The following NOL9 variants were observed in gnomAD, a reference collection of about 807,000 sequenced individuals.
NOL9 encodes nucleolar protein 9.
In NOL9, 28 loss-of-function variants were observed where a neutral mutation model predicts 67.9. That is an observed-to-expected ratio of 0.41 (90% confidence interval 0.31 to 0.57). The LOEUF (loss-of-function observed/expected upper bound fraction) is 0.57, where lower values mean the gene tolerates loss of function less well. Among genes scored for constraint, NOL9 ranks in the 20% least tolerant of loss-of-function variants. The pLI, the probability that NOL9 is intolerant of heterozygous loss-of-function variation, is 0.25. For synonymous variants in NOL9, 356 were observed against 352.2 expected (o/e 1.01, Z -0.12); for missense variants, 777 against 897.0 (o/e 0.87, Z 1.71).
chr1:6,542,109 G>A (rs1639305357), intron 5 of NOL9, among the ~76,000 whole-genome samples, 182 bp from the exon 6 acceptor site: 1 of 151,412 alleles, frequency 6.6e-6, no homozygotes, highest in African/African-American at 2.4e-5. Context: ...GAAACGCAGT[G>A]CAGGCATGGT....
intron 2 of NOL9, 74 bp downstream of exon 2, chr1:6,550,322 C>T (rs2063806): frequency 0.85 from 1,151,277 of 1,351,834 alleles, 492,792 homozygotes; most frequent in Admixed American, 0.9. Flanking sequence ...TGAGCCACCG[C>T]GCCTGGCCCT....
In NOL9 at chr1:6,548,135, GTTCTT is replaced by G. The variant is rs1390826390; in HGVS notation, c.744+1431_744+1435del. ...AGGGGTCCGTGCCATGAGACTTAAA[GTTCTT>G]TTTTTTTTTTTTTTTTTTTTTTTGA... On this transcript the variant is annotated intron_variant, in intron 3 of 11. Coordinates refer to ENST00000377705, the MANE Select transcript of NOL9 (RefSeq NM_024654.5). The G allele has an allele frequency of 6.4e-3, 860 of 134,660 alleles. 10 individuals carry two copies. The highest frequency in any genetic ancestry group is 0.024 in the African/African-American group (778 of 31,932). 8.3% of individuals were successfully genotyped at this position (134,660 alleles called of 1,614,324 possible).
In NOL9 at chr1:6,550,575, T is replaced by C. The variant is rs1322317279; in HGVS notation, c.437A>G (p.Tyr146Cys). ...AAAACCAAATACCTGCACCTGGCCA[T>C]AGAGGCAAGTCACACGACAGATCCC... ...FSGICRVTCL[Y>C]GQVQVFGFTI... The change falls in exon 2 of 12, where the codon TAT becomes TGT. Residue 146 changes from tyrosine (Y) to cysteine (C), a missense_variant. By Grantham distance (194) the Tyr-to-Cys change is radical. Transcript: ENST00000377705. The C allele has an allele frequency of 6.2e-6, 10 of 1,613,058 alleles. No homozygotes were observed. The highest frequency in any genetic ancestry group is 1.7e-5 in the Admixed American group (1 of 59,878).
intron 6 of NOL9, among the ~76,000 whole-genome samples, chr1:6,539,375 G>A (rs1420794087): frequency 2.0e-5 from 3 of 152,208 alleles, no homozygotes; most frequent in African/African-American, 2.4e-5. Flanking sequence ...GATTATTCAC[G>A]AAAGCCAAAA....
rs759808579 is a variant in NOL9, at chr1:6,554,151, G to A, written c.352C>T (p.Pro118Ser). 1 of 1,530,636 alleles carries A rather than the reference G, an allele frequency of 6.5e-7. No homozygotes were observed. The highest frequency in any genetic ancestry group is 1.2e-5 in the South Asian group (1 of 83,318). 94.8% of individuals were successfully genotyped at this position (1,530,636 alleles called of 1,614,324 possible). A position where few individuals can be genotyped will look rare whatever the true frequency, so the allele number is the denominator to read the frequency against. Reference protein sequence around the residue: ...HRPLLIPPVRPVGPGRALLLL... With the variant: ...HRPLLIPPVRSVGPGRALLLL... ...AGCAACGCGCGGCCGGGGCCCACGG[G>A]CCGCACCGGTGGGATGAGGAGAGGC... Residue 118 changes from proline to serine, a missense_variant, in exon 1 of 12, where the codon CCC becomes TCC. Pro to Ser is a moderately conservative substitution (Grantham distance 74). Transcript: ENST00000377705.
chr1:6,524,385 G>A lies in NOL9; in HGVS notation c.*1469C>T, dbSNP rs1335807853. 1 of 152,178 alleles carries A rather than the reference G, an allele frequency of 6.6e-6. No homozygotes were observed. Among genetic ancestry groups the A allele is most frequent in the Non-Finnish European group, 1.5e-5 (1 of 68,028 alleles). 9.4% of individuals were successfully genotyped at this position (152,178 alleles called of 1,614,324 possible). On this transcript the variant is annotated 3_prime_UTR_variant, in exon 12 of 12. Transcript: ENST00000377705. ...CCTCAGCCCCAGGAAGTATCCTGCT[G>A]TCTTAAATGCAGAAATGATGTGACC...
chr1:6,546,859 A>T (rs902923224), intron 3 of NOL9, among the ~76,000 whole-genome samples: 1 of 152,120 alleles, frequency 6.6e-6, no homozygotes, highest in African/African-American at 2.4e-5. Flanking sequence ...ACCAAAGCAA[A>T]ATACTTTACT....
At chr1:6,532,199 T>A in intron 8 of NOL9, 120 bp from the exon 9 acceptor site, 3 of 815,218 alleles carry the variant, frequency 3.7e-6, no homozygotes, top group Non-Finnish European at 6.0e-6. Context: ...CTGCCCCCCC[T>A]TGACGGACCC....
intron 1 of NOL9, among the ~76,000 whole-genome samples, chr1:6,553,196 T>C (rs1639579326): frequency 6.6e-6 from 1 of 152,238 alleles, no homozygotes; most frequent in South Asian, 2.1e-4. Context: ...TCTGTGCTCC[T>C]GGTTCAGACA....
At chr1:6,541,098 C>T (rs945340078) in intron 6 of NOL9, 7 of 149,450 alleles carry the variant, frequency 4.7e-5, no homozygotes, top group African/African-American at 1.7e-4. Flanking sequence ...CTCACTGCAA[C>T]CTCCACCCCT....
intron 6 of NOL9, among the ~76,000 whole-genome samples, chr1:6,536,330 A>T (rs1450377812): frequency 6.6e-6 from 1 of 150,670 alleles, no homozygotes; most frequent in African/African-American, 2.4e-5. Flanking sequence ...TGGGTGACAG[A>T]GCGAGACTCC....
In NOL9 at chr1:6,532,588, T is replaced by C. The variant is rs1454670867; in HGVS notation, c.1410A>G (p.Arg470=). ...SKTKMRNRRF[R]LAAFADALEF... ...CCAAAGCATCTGCAAATGCTGCGAG[T>C]CTGAAACGTCGATTTCTCATCTTGG... The change falls in exon 8 of 12, where the codon AGA becomes AGG. Residue 470 remains arginine (R), a synonymous_variant. Coordinates refer to ENST00000377705, the MANE Select transcript of NOL9 (RefSeq NM_024654.5). 9 of 1,614,184 alleles carry C rather than the reference T, an allele frequency of 5.6e-6. No homozygotes were observed. The highest frequency in any genetic ancestry group is 7.6e-6 in the Non-Finnish European group (9 of 1,180,044).
At chr1:6,527,220 C>T (rs1424505934) in intron 10 of NOL9, among the ~76,000 whole-genome samples, 13 of 147,780 alleles carry the variant, frequency 8.8e-5, no homozygotes, top group African/African-American at 3.3e-4. Context: ...GTACTCCAGC[C>T]TGGGTGACAG....
At chr1:6,535,797 G>C (rs1464091083) in intron 6 of NOL9, among the ~76,000 whole-genome samples, 5 of 151,830 alleles carry the variant, frequency 3.3e-5, no homozygotes, top group Admixed American at 1.3e-4. Flanking sequence ...GCATGGTGGC[G>C]GGTGCCTGTA....
intron 3 of NOL9, among the ~76,000 whole-genome samples, chr1:6,545,405 G>A (rs1639397060): frequency 6.6e-6 from 1 of 152,088 alleles, no homozygotes; most frequent in Admixed American, 6.6e-5. Flanking sequence ...CACTGCCTCC[G>A]CAGGAGACTC....
chr1:6,544,794 A>C (rs1270216801), intron 5 of NOL9, 32 bp downstream of exon 5: 1 of 1,608,196 alleles, frequency 6.2e-7, no homozygotes, highest in Admixed American at 1.7e-5. Flanking sequence ...AAACCTAGCA[A>C]TGTGTCAAAG....
intron 6 of NOL9, among the ~76,000 whole-genome samples, chr1:6,541,585 A>T (rs1418836269): frequency 6.6e-6 from 1 of 152,238 alleles, no homozygotes; most frequent in African/African-American, 2.4e-5. Context: ...AAAACAAAAT[A>T]ATTTTTGCCA....
At chr1:6,532,831 T>A (rs1339272300) in intron 7 of NOL9, 71 bp from the exon 8 acceptor site, 1 of 1,361,742 alleles carries the variant, frequency 7.3e-7, no homozygotes, top group African/African-American at 1.5e-5. Flanking sequence ...AGTGACATGC[T>A]CCTACGACAA....
Position 6,550,593 on chromosome 1 carries a change from C to G in NOL9, c.419G>C (p.Cys140Ser). ...CTGGCCATAGAGGCAAGTCACACGA[C>G]AGATCCCACTAAAAGTAAAACCCTA... Reference protein sequence around the residue: ...VEQGFTFSGICRVTCLYGQVQ... With the variant: ...VEQGFTFSGISRVTCLYGQVQ... The change falls in exon 2 of 12, where the codon TGT (cysteine) becomes TCT (serine). Residue 140 changes from cysteine to serine, a missense_variant. Around this residue, in one of 2 missense-constraint regions of NOL9, gnomAD observed 364 missense variants for 344.4 expected, o/e 1.06. Transcript: ENST00000377705. 6.2e-6 allele frequency: 10 copies of G among 1,613,134 alleles called. No individual in the cohort carries two copies. Among genetic ancestry groups the G allele is most frequent in the African/African-American group, 1.3e-5 (1 of 74,800 alleles).
Sources: allele counts gnomAD v4.1 joint callset (sites outside exome capture counted in the v4.1 genomes callset), GRCh38; gene constraint gnomAD v4.1.1; regional missense constraint gnomAD v4.1.1; transcripts MANE v1.5; gene names NCBI Gene and HGNC (gene_info 2026-07-23, HGNC 2026-07-21).